GRIK4: variants seen among roughly 807,000 people sequenced by gnomAD.
GRIK4 encodes the protein glutamate ionotropic receptor kainate type subunit 4.
In GRIK4, 40 loss-of-function variants were observed where a neutral mutation model predicts 104.9. That is an observed-to-expected ratio of 0.38 (90% CI 0.30 to 0.50). The LOEUF (loss-of-function observed/expected upper bound fraction) is 0.50. Among genes scored for constraint, GRIK4 ranks in the 20% least tolerant of loss-of-function variants. GRIK4 has a pLI of 0.93. For synonymous variants in GRIK4, 485 were observed against 524.9 expected (o/e 0.92, Z 1.04); for missense variants, 1,047 against 1,308.1 (o/e 0.80, Z 3.08).
chr11:120,883,138 C>T (rs779115968), intron 11 of GRIK4, among the ~76,000 whole-genome samples: 3 of 152,260 alleles, frequency 2.0e-5, no homozygotes, highest in South Asian at 2.1e-4. Context: ...AGAGCGAATA[C>T]GGAGCGAACG....
chr11:120,609,653 T>G (rs1949008761), intron 1 of GRIK4, among the ~76,000 whole-genome samples: 1 of 150,404 alleles, frequency 6.6e-6, no homozygotes, highest in Non-Finnish European at 1.5e-5. Context: ...TAGCTGGGAC[T>G]ACAGGTGCGT....
At chr11:120,883,895 C>T (rs1464289655) in intron 11 of GRIK4, among the ~76,000 whole-genome samples, 1 of 152,218 alleles carries the variant, frequency 6.6e-6, no homozygotes, top group Non-Finnish European at 1.5e-5. Context: ...CCTGGAAGAG[C>T]TGGAAGAGGC....
chr11:120,970,874 T>C (rs1210642802), intron 19 of GRIK4, among the ~76,000 whole-genome samples: 3 of 152,202 alleles, frequency 2.0e-5, no homozygotes, highest in Admixed American at 6.5e-5. Context: ...GCAGTTTTGA[T>C]AGGTTTTGAA....
chr11:120,867,389 G>T (rs576276294), intron 9 of GRIK4, among the ~76,000 whole-genome samples: 1 of 152,072 alleles, frequency 6.6e-6, no homozygotes, highest in Non-Finnish European at 1.5e-5. Context: ...ACCATCAAGC[G>T]TTCTACAAAA....
chr11:120,552,524 G>C (rs150475185), intron 1 of GRIK4, among the ~76,000 whole-genome samples: 3 of 152,200 alleles, frequency 2.0e-5, no homozygotes, highest in Non-Finnish European at 2.9e-5. Flanking sequence ...ACTTTACTGC[G>C]TCTGTAGGGA....
chr11:120,915,656 G>T (rs1943090497), intron 13 of GRIK4, among the ~76,000 whole-genome samples: 1 of 152,156 alleles, frequency 6.6e-6, no homozygotes, highest in African/African-American at 2.4e-5. Flanking sequence ...CTTATAGGGG[G>T]TCTGAATGGG....
At chr11:120,850,484 T>C (rs1591988964) in intron 8 of GRIK4, among the ~76,000 whole-genome samples, 1 of 152,300 alleles carries the variant, frequency 6.6e-6, no homozygotes, top group South Asian at 2.1e-4. Flanking sequence ...CTGGAGACAC[T>C]TGAGGCAGGA....
chr11:120,595,049 A>G (rs1432191727), intron 1 of GRIK4, among the ~76,000 whole-genome samples: 4 of 152,228 alleles, frequency 2.6e-5, no homozygotes, highest in African/African-American at 9.6e-5. Context: ...CAAAGTTGCC[A>G]TCCTCCTCTT....
At position 120,986,728 on chromosome 11, in the gene GRIK4, C is replaced by CT. The variant is rs1289865192; in HGVS notation, c.*472dup. Reference sequence around the variant, plus strand: ...GGATTTGTATATTTTTGTTAATGTTCTTTTCCCTTTTCTTTCCTCCTCTCC... The same window carrying CT: ...GGATTTGTATATTTTTGTTAATGTTCTTTTTCCCTTTTCTTTCCTCCTCTCC... On this transcript the variant is annotated 3_prime_UTR_variant, in exon 21 of 21. Transcript: ENST00000527524. 1 of 152,498 alleles carries CT rather than the reference C, an allele frequency of 6.6e-6. No homozygotes were observed. Among genetic ancestry groups the CT allele is most frequent in the African/African-American group, 2.4e-5 (1 of 41,342 alleles). The allele number at this position is 152,498 out of a possible 1,614,324, so 9.4% of individuals were successfully genotyped here. A position where few individuals can be genotyped will look rare whatever the true frequency, so the allele number is the denominator to read the frequency against.
chr11:120,718,704 A>G (rs1051929947), intron 3 of GRIK4, among the ~76,000 whole-genome samples: 1 of 152,242 alleles, frequency 6.6e-6, no homozygotes, highest in Non-Finnish European at 1.5e-5. Flanking sequence ...GTGGATGTCC[A>G]GGGCTGTGGG....
intron 6 of GRIK4, among the ~76,000 whole-genome samples, chr11:120,829,408 C>A (rs948281671): frequency 2.6e-5 from 4 of 152,248 alleles, no homozygotes; most frequent in Admixed American, 6.5e-5. Flanking sequence ...GGCTGCCAAA[C>A]AAAACGGGGA....
At chr11:120,896,265 C>T (rs147217521) in intron 11 of GRIK4, among the ~76,000 whole-genome samples, 1 of 152,362 alleles carries the variant, frequency 6.6e-6, no homozygotes, top group African/African-American at 2.4e-5. Context: ...GCTTAAAGCT[C>T]AGGCCTCTCA....
rs139734623 is a variant in GRIK4 at position 120,753,553 on chromosome 11, G to A, written c.83-49140G>A. Among the ~76,000 whole-genome samples, 195 of 152,176 alleles carry A rather than the reference G, an allele frequency of 1.3e-3. 1 individual carries two copies. Among genetic ancestry groups the A allele is most frequent in the African/African-American group, 4.5e-3 (187 of 41,512 alleles). ...ATTTTAGGAGACTGTTTCCCTGATG[G>A]TGTTGAATTTGAATGAGAGACTACA... On this transcript the variant is annotated intron_variant, in intron 3 of 20. Transcript: ENST00000527524.
chr11:120,558,119 G>A (rs777095478), intron 1 of GRIK4, among the ~76,000 whole-genome samples: 7 of 151,418 alleles, frequency 4.6e-5, no homozygotes, highest in African/African-American at 7.3e-5. Flanking sequence ...CTTACAAGCT[G>A]TGCAACTTTG....
intron 1 of GRIK4, among the ~76,000 whole-genome samples, chr11:120,638,188 T>C (rs1383712300): frequency 6.6e-6 from 1 of 152,142 alleles, no homozygotes; most frequent in Non-Finnish European, 1.5e-5. Flanking sequence ...TCATGTTTTA[T>C]TATTAATTTA....
At chr11:120,877,624 T>C (rs562524699) in intron 11 of GRIK4, among the ~76,000 whole-genome samples, 2 of 152,318 alleles carry the variant, frequency 1.3e-5, no homozygotes, top group Admixed American at 6.5e-5. Flanking sequence ...TTTTTTAAGA[T>C]GGAGAAAGTG....
intron 3 of GRIK4, among the ~76,000 whole-genome samples, chr11:120,670,758 A>C (rs971974911): frequency 2.0e-5 from 3 of 151,954 alleles, no homozygotes; most frequent in South Asian, 4.2e-4. Context: ...CAGAATGTGC[A>C]GGTTTGTTAC....
intron 1 of GRIK4, among the ~76,000 whole-genome samples, chr11:120,604,421 G>A (rs935806159): frequency 8.5e-5 from 13 of 152,208 alleles, no homozygotes; most frequent in African/African-American, 1.9e-4. Context: ...GGGAAGCACC[G>A]TTTGGACAAA....
At chr11:120,747,175 T>C (rs1951455864) in intron 3 of GRIK4, among the ~76,000 whole-genome samples, 1 of 152,230 alleles carries the variant, frequency 6.6e-6, no homozygotes, top group African/African-American at 2.4e-5. Flanking sequence ...GCCTTGATGT[T>C]CTAACAACCC....
Sources: gnomAD v4.1 joint callset for allele counts (sites outside exome capture counted in the v4.1 genomes callset) on GRCh38, gnomAD v4.1.1 for gene constraint, MANE v1.5 for transcripts, NCBI Gene and HGNC (gene_info 2026-07-23, HGNC 2026-07-21) for gene names.